The following UNC13B variants were observed in gnomAD, a reference collection of about 807,000 sequenced individuals.
UNC13B encodes unc-13 homolog B.
UNC13B carries 144 observed loss-of-function variants against 211.0 expected under a neutral mutation model. The observed-to-expected ratio is 0.68, with a 90% confidence interval of 0.60 to 0.78. The LOEUF is 0.78. UNC13B is among the 30% of genes least tolerant of loss of function. The pLI is 0.00. For missense variants in UNC13B, 1,777 were observed against 2,002.0 expected (o/e 0.89, Z 2.14); for synonymous variants, 709 against 725.8 (o/e 0.98, Z 0.37).
At chr9:35,192,602 G>A (rs528709980) in intron 1 of UNC13B, among the ~76,000 whole-genome samples, 18 of 152,254 alleles carry the variant, frequency 1.2e-4, no homozygotes, top group African/African-American at 3.9e-4. Context: ...TGAATAAGGG[G>A]GATCCTTAGA....
intron 4 of UNC13B, 121 bp from the exon 5 acceptor site, chr9:35,237,582 T>C (rs1825583523): frequency 7.8e-7 from 1 of 1,275,710 alleles, no homozygotes; most frequent in Non-Finnish European, 1.1e-6. Context: ...GTGTTTGCCT[T>C]ATCAGGATGT....
intron 8 of UNC13B, among the ~76,000 whole-genome samples, chr9:35,297,561 T>TTTTTTTTTTTTTTTTTTTTTTTTG: frequency 3.9e-5 from 5 of 128,232 alleles, no homozygotes; most frequent in African/African-American, 1.2e-4. Flanking sequence ...TTTTTTTTTT[T>TTTTTTTTTTTTTTTTTTTTTTTTG]TTTTTTGAGA....
chr9:35,401,801 A>C, intron 37 of UNC13B: 1 of 705,174 alleles, frequency 1.4e-6, no homozygotes. Flanking sequence ...CAGCTCTTTC[A>C]CTTCTTTCTC....
intron 11 of UNC13B, among the ~76,000 whole-genome samples, chr9:35,341,651 G>A (rs939455526): frequency 1.1e-4 from 17 of 152,290 alleles, no homozygotes; most frequent in Admixed American, 1.0e-3. Context: ...GGAGAAGAAC[G>A]AGGGAAGGAA....
At chr9:35,210,073 C>G (rs1823884961) in intron 1 of UNC13B, among the ~76,000 whole-genome samples, 1 of 151,834 alleles carries the variant, frequency 6.6e-6, no homozygotes, top group Non-Finnish European at 1.5e-5. Flanking sequence ...TACCCAGTTA[C>G]TAAAAAAAAA....
At chr9:35,330,870 G>T (rs1369425278) in intron 11 of UNC13B, among the ~76,000 whole-genome samples, 1 of 152,146 alleles carries the variant, frequency 6.6e-6, no homozygotes, top group African/African-American at 2.4e-5. Flanking sequence ...GGAGCACATA[G>T]AACATTTCCA....
At chr9:35,345,913 T>A (rs1832325999) in intron 11 of UNC13B, among the ~76,000 whole-genome samples, 1 of 152,180 alleles carries the variant, frequency 6.6e-6, no homozygotes, top group South Asian at 2.1e-4. Flanking sequence ...TATAGAGGCT[T>A]GAAGTTTTCT....
chr9:35,393,700 T>C (rs948763653), intron 26 of UNC13B, among the ~76,000 whole-genome samples: 5 of 151,022 alleles, frequency 3.3e-5, no homozygotes, highest in East Asian at 2.0e-4. Flanking sequence ...GCCACCCGAG[T>C]AGCTGGGATT....
chr9:35,399,411 C>T lies in UNC13B; in HGVS notation c.12218C>T (p.Thr4073Ile). 1 of 1,614,154 alleles carries T rather than the reference C, an allele frequency of 6.2e-7. No homozygotes were observed. Among genetic ancestry groups the T allele is most frequent in the Non-Finnish European group, 8.5e-7 (1 of 1,180,026 alleles). Reference protein sequence around the residue: ...TDQTGTQLIFTAAKELSHLSK... With the variant: ...TDQTGTQLIFIAAKELSHLSK... Reference sequence around the variant, plus strand: ...GCCCAGGGCACCCAGCTGATCTTCACTGCTGCCAAGGAGCTGAGCCATCTT... The same window carrying T: ...GCCCAGGGCACCCAGCTGATCTTCATTGCTGCCAAGGAGCTGAGCCATCTT... The change falls in exon 35 of 40, where the codon ACT becomes ATT. Residue 4073 changes from threonine to isoleucine, a missense_variant. Transcript: ENST00000635942.
intron 11 of UNC13B, chr9:35,362,018 G>A (rs193302045): frequency 5.3e-5 from 8 of 152,296 alleles, no homozygotes; most frequent in African/African-American, 7.2e-5. Context: ...AGTAAGCAAC[G>A]GGGAGAATTG....
intron 1 of UNC13B, among the ~76,000 whole-genome samples, chr9:35,167,363 G>T (rs541280466): frequency 3.3e-5 from 5 of 152,118 alleles, no homozygotes; most frequent in South Asian, 2.1e-4. Flanking sequence ...ATGAGCGCCT[G>T]GCCAGTGTTA....
At chr9:35,235,118 A>C (rs1232215848) in intron 3 of UNC13B, among the ~76,000 whole-genome samples, 1 of 152,184 alleles carries the variant, frequency 6.6e-6, no homozygotes, top group Admixed American at 6.5e-5. Flanking sequence ...TGTTTGAGTT[A>C]GTCCTTCCAA....
intron 1 of UNC13B, among the ~76,000 whole-genome samples, chr9:35,195,664 C>T (rs910151916): frequency 2.6e-5 from 4 of 152,196 alleles, no homozygotes; most frequent in African/African-American, 9.6e-5. Context: ...TTCATAAGGT[C>T]TCAAATACCC....
rs1397619660 is a variant in UNC13B at position 35,303,728 on chromosome 9, T to C, written c.4324T>C (p.Leu1442=). The change falls in exon 9 of 40, where the codon TTA becomes CTA. Residue 1442 remains leucine (L), a synonymous_variant. Coordinates refer to ENST00000635942, the MANE Select transcript of UNC13B (RefSeq NM_001371189.2). ...GTTAGCATTTAATGAAGATTACTTA[T>C]TAAGAGGTGATGTGTGGGCAGCTAA... ...NQLAFNEDYL[L]RGDVWAANSL... 3 of 398,542 alleles carry C rather than the reference T, an allele frequency of 7.5e-6. No individual in the cohort carries two copies. Among genetic ancestry groups the C allele is most frequent in the Admixed American group, 8.8e-5 (2 of 22,690 alleles). 24.7% of individuals were successfully genotyped at this position (398,542 alleles called of 1,614,324 possible).
At chr9:35,246,292 C>G (rs10972398) in intron 6 of UNC13B, among the ~76,000 whole-genome samples, 1 of 151,824 alleles carries the variant, frequency 6.6e-6, no homozygotes, top group Non-Finnish European at 1.5e-5. Flanking sequence ...TTCTCCCATT[C>G]TGTAGGTTGC....
At chr9:35,333,782 C>T (rs776700056) in intron 11 of UNC13B, among the ~76,000 whole-genome samples, 4 of 152,154 alleles carry the variant, frequency 2.6e-5, no homozygotes, top group Non-Finnish European at 5.9e-5. Flanking sequence ...ACATATTAGT[C>T]ACTCACTCCA....
chr9:35,389,791 C>G (rs1835413433), intron 24 of UNC13B, 55 bp from the exon 25 acceptor site: 1 of 1,600,244 alleles, frequency 6.2e-7, no homozygotes, highest in South Asian at 1.1e-5. Flanking sequence ...GAGACACCCT[C>G]TACATTCTAC....
intron 39 of UNC13B, 41 bp from the exon 40 acceptor site, chr9:35,403,707 G>C: frequency 6.2e-7 from 1 of 1,609,690 alleles, no homozygotes. Context: ...ATCAGCTGAA[G>C]ACTCAACTCT....
chr9:35,271,871 G>A (rs1191305899), intron 7 of UNC13B, among the ~76,000 whole-genome samples: 1 of 152,204 alleles, frequency 6.6e-6, no homozygotes, highest in Non-Finnish European at 1.5e-5. Context: ...GGCCAACGTG[G>A]TGAAACTGCT....
Sources: gnomAD v4.1 joint callset for allele counts (sites outside exome capture counted in the v4.1 genomes callset) on GRCh38, gnomAD v4.1.1 for gene constraint, MANE v1.5 for transcripts, NCBI Gene and HGNC (gene_info 2026-07-23, HGNC 2026-07-21) for gene names.